Variants in ERBB4 observed in about 807,000 individuals in gnomAD.
ERBB4 encodes the protein erb-b2 receptor tyrosine kinase 4.
In ERBB4, 42 loss-of-function variants were observed where a neutral mutation model predicts 158.0. The observed-to-expected ratio is 0.27, with a 90% CI of 0.21 to 0.34. The LOEUF (loss-of-function observed/expected upper bound fraction) is 0.34, where lower values mean the gene tolerates loss of function less well. Ranked by LOEUF, ERBB4 falls within the 10% of genes least tolerant of loss-of-function variation. ERBB4 has a pLI of 1.00. For synonymous variants in ERBB4, 583 were observed against 558.7 expected (o/e 1.04, Z -0.61); for missense variants, 1,333 against 1,624.1 (o/e 0.82, Z 3.08).
At chr2:211,526,014 G>C (rs2066338550) in intron 20 of ERBB4, among the ~76,000 whole-genome samples, 2 of 152,138 alleles carry the variant, frequency 1.3e-5, no homozygotes, top group South Asian at 4.1e-4. Flanking sequence ...CCCATGGCCT[G>C]AGGAAACTCG....
At chr2:212,045,816 C>G (rs113077772) in intron 2 of ERBB4, among the ~76,000 whole-genome samples, 14 of 152,314 alleles carry the variant, frequency 9.2e-5, no homozygotes, top group African/African-American at 3.1e-4. Context: ...CAGCTCTTAA[C>G]TTCAAAAGGG....
At chr2:211,792,655 G>C (rs890575589) in intron 3 of ERBB4, among the ~76,000 whole-genome samples, 1 of 151,736 alleles carries the variant, frequency 6.6e-6, no homozygotes, top group Non-Finnish European at 1.5e-5. Context: ...AAATTTTCTT[G>C]TATTGAACTG....
At chr2:212,373,399 C>T (rs1292057106) in intron 1 of ERBB4, among the ~76,000 whole-genome samples, 1 of 151,872 alleles carries the variant, frequency 6.6e-6, no homozygotes, top group Non-Finnish European at 1.5e-5. Flanking sequence ...TTTTTAGGAG[C>T]CATTTTTGCA....
intron 2 of ERBB4, among the ~76,000 whole-genome samples, chr2:212,084,441 C>T (rs528280072): frequency 1.3e-5 from 2 of 152,060 alleles, no homozygotes; most frequent in South Asian, 2.1e-4. Context: ...TTCCCTCTTA[C>T]TCAGATTCTC....
chr2:211,496,069 A>T (rs961318522), intron 20 of ERBB4, among the ~76,000 whole-genome samples: 1 of 152,048 alleles, frequency 6.6e-6, no homozygotes, highest in African/African-American at 2.4e-5. Flanking sequence ...TTTGATTTAC[A>T]TTTGATTCAG....
intron 7 of ERBB4, among the ~76,000 whole-genome samples, chr2:211,721,531 A>G (rs943036985): frequency 1.4e-5 from 2 of 145,562 alleles, no homozygotes; most frequent in Non-Finnish European, 3.0e-5. Context: ...GTCCTTTTGA[A>G]TCCTCAGGAT....
Position 212,462,912 on chromosome 2 carries a change from C to G in ERBB4, c.82+75537G>C, listed in dbSNP as rs145642109. On this transcript the variant is annotated intron_variant, in intron 1 of 27. Coordinates refer to ENST00000342788, the MANE Select transcript of ERBB4 (RefSeq NM_005235.3). ...TATGGTATTTATACACAATAGAATA[C>G]TCTTCAGCCATAAAAAAGAATGAAA... Among the ~76,000 whole-genome samples, 1,360 of 152,156 alleles carry G rather than the reference C, an allele frequency of 8.9e-3. 22 individuals are homozygous for G. The highest frequency in any genetic ancestry group is 0.031 in the African/African-American group (1,301 of 41,520).
At chr2:212,326,630 CAT>C (rs2087850562) in intron 1 of ERBB4, among the ~76,000 whole-genome samples, 1 of 150,650 alleles carries the variant, frequency 6.6e-6, no homozygotes, top group South Asian at 2.1e-4. Context: ...TTTATATAAA[CAT>C]AGACGCCCTC....
chr2:212,327,287 T>G (rs2087889809), intron 1 of ERBB4, among the ~76,000 whole-genome samples: 1 of 138,662 alleles, frequency 7.2e-6, no homozygotes, highest in African/African-American at 2.5e-5. Flanking sequence ...GGTAATATTA[T>G]TCTAATTTTA....
At chr2:211,861,008 T>A (rs1370996061) in intron 3 of ERBB4, among the ~76,000 whole-genome samples, 1 of 20,970 alleles carries the variant, frequency 4.8e-5, no homozygotes, top group Non-Finnish European at 7.0e-5. Context: ...TATTATATAT[T>A]TATATATTTA....
chr2:211,789,606 G>A (rs1260164451), intron 3 of ERBB4, among the ~76,000 whole-genome samples: 1 of 152,156 alleles, frequency 6.6e-6, no homozygotes, highest in Non-Finnish European at 1.5e-5. Context: ...GATTGAATAA[G>A]TAACTATTGA....
intron 1 of ERBB4, among the ~76,000 whole-genome samples, chr2:212,507,641 G>C (rs111939171): frequency 0.012 from 1,754 of 152,300 alleles, 15 homozygotes; most frequent in Middle Eastern, 0.037. Flanking sequence ...AGATGAGGTA[G>C]AAAGAGAACT....
chr2:211,909,933 T>C (rs1043830575), intron 3 of ERBB4, among the ~76,000 whole-genome samples: 2 of 151,808 alleles, frequency 1.3e-5, no homozygotes, highest in Non-Finnish European at 1.5e-5. Flanking sequence ...TTGTTGTTGT[T>C]GTTTGAGACA....
intron 20 of ERBB4, among the ~76,000 whole-genome samples, chr2:211,531,819 C>T (rs1276041085): frequency 6.6e-6 from 1 of 151,844 alleles, no homozygotes; most frequent in African/African-American, 2.4e-5. Flanking sequence ...TATATATCCC[C>T]AAAAAGGAAA....
rs60216265 is a variant in ERBB4 at position 211,637,781 on chromosome 2, C to G, written c.1947-7187G>C. Among the ~76,000 whole-genome samples, 33 of 151,976 alleles carry G rather than the reference C, an allele frequency of 2.2e-4. No homozygotes were observed. In the East Asian group the frequency reaches 6.0e-3, roughly 28 times the overall value. ...AATAGAAAAGATGCCTGGATAACAT[C>G]AAATATAAATAGTAATGCTAACATT... On this transcript the variant is annotated intron_variant, in intron 16 of 27. Transcript: ENST00000342788.
intron 2 of ERBB4, among the ~76,000 whole-genome samples, chr2:212,064,078 A>C (rs1340331013): frequency 6.6e-6 from 1 of 152,204 alleles, no homozygotes; most frequent in African/African-American, 2.4e-5. Context: ...AAGAAGGTCA[A>C]AAGAATCTTT....
intron 2 of ERBB4, among the ~76,000 whole-genome samples, chr2:212,093,176 G>A (rs550652885): frequency 6.6e-5 from 10 of 152,168 alleles, no homozygotes; most frequent in African/African-American, 2.2e-4. Flanking sequence ...GGATATAGGC[G>A]AGCACATCCC....
At chr2:212,424,401 T>C (rs1008219915) in intron 1 of ERBB4, among the ~76,000 whole-genome samples, 2 of 152,104 alleles carry the variant, frequency 1.3e-5, no homozygotes, top group South Asian at 2.1e-4. Flanking sequence ...CTTCAAGCTA[T>C]TCCCCATGCA....
chr2:212,403,545 T>C (rs565431700), intron 1 of ERBB4, among the ~76,000 whole-genome samples: 28 of 152,148 alleles, frequency 1.8e-4, no homozygotes, highest in Admixed American at 1.5e-3. Flanking sequence ...TGGAATATTA[T>C]TCAACCTTAA....
Sources: gnomAD v4.1 joint callset for allele counts (sites outside exome capture counted in the v4.1 genomes callset) on GRCh38, gnomAD v4.1.1 for gene constraint, MANE v1.5 for transcripts, NCBI Gene and HGNC (gene_info 2026-07-23, HGNC 2026-07-21) for gene names.